DCC: variants seen among roughly 807,000 people sequenced by gnomAD.
The protein encoded by DCC is netrin receptor DCC.
A neutral mutation model predicts 172.5 loss-of-function variants in DCC; 58 were observed. That is an observed-to-expected ratio of 0.34 (90% CI 0.27 to 0.42). The LOEUF (loss-of-function observed/expected upper bound fraction) is 0.42, where lower values mean the gene tolerates loss of function less well. Among genes scored for constraint, DCC ranks in the 10% least tolerant of loss-of-function variants. The pLI is 1.00. For missense variants in DCC, 1,740 were observed against 1,791.0 expected, an observed-to-expected ratio of 0.97 and a Z score of 0.51; for synonymous variants, 709 against 644.5, an observed-to-expected ratio of 1.10 and a Z score of -1.52.
intron 7 of DCC, among the ~76,000 whole-genome samples, chr18:53,103,936 G>C (rs1045127872): frequency 6.6e-6 from 1 of 151,960 alleles, no homozygotes; most frequent in Non-Finnish European, 1.5e-5. Flanking sequence ...GGTGAGTGAG[G>C]CACTTTCTTG....
chr18:53,253,588 C>T (rs2144663207), intron 12 of DCC, among the ~76,000 whole-genome samples: 1 of 152,032 alleles, frequency 6.6e-6, no homozygotes, highest in East Asian at 1.9e-4. Flanking sequence ...TTAATATTGC[C>T]CTTCTCTAAG....
At chr18:52,914,311 C>T (rs1010570626) in intron 3 of DCC, among the ~76,000 whole-genome samples, 2 of 151,938 alleles carry the variant, frequency 1.3e-5, no homozygotes, top group African/African-American at 4.8e-5. Flanking sequence ...AAGCCATACG[C>T]CAGTGATAAG....
At chr18:53,206,123 AT>A (rs200191063) in intron 10 of DCC, among the ~76,000 whole-genome samples, 117 of 1,172 alleles carry the variant, frequency 0.1, 11 homozygotes, top group Admixed American at 0.14. Context: ...ATATATAAGC[AT>A]AATACATATA....
chr18:53,103,150 C>T (rs887051014), intron 7 of DCC, among the ~76,000 whole-genome samples: 11 of 151,986 alleles, frequency 7.2e-5, no homozygotes, highest in South Asian at 4.1e-4. Flanking sequence ...TGCAAAATTC[C>T]GTGGTATACA....
At chr18:53,499,778 A>G (rs990068600) in intron 27 of DCC, among the ~76,000 whole-genome samples, 27 of 152,134 alleles carry the variant, frequency 1.8e-4, no homozygotes, top group Admixed American at 9.2e-4. Context: ...AATATGTGCT[A>G]TAGGTGTGCT....
intron 2 of DCC, among the ~76,000 whole-genome samples, chr18:52,756,266 T>C (rs576722901): frequency 1.3e-5 from 2 of 152,208 alleles, no homozygotes; most frequent in Non-Finnish European, 2.9e-5. Context: ...GCTGAACTTA[T>C]CTATGAAGCT....
chr18:53,026,236 A>C (rs1599041193), intron 5 of DCC, among the ~76,000 whole-genome samples: 1 of 152,114 alleles, frequency 6.6e-6, no homozygotes, highest in Non-Finnish European at 1.5e-5. Flanking sequence ...AAATTGGGTG[A>C]AAAAAGAAAA....
chr18:53,420,421 G>A lies in DCC; in HGVS notation c.3163+4265G>A, dbSNP rs79160960. 1.1e-3 allele frequency among the ~76,000 whole-genome samples: 163 copies of A among 152,230 alleles called. No individual in the cohort carries two copies. The East Asian group carries it at 0.03, about 28-fold the overall frequency. The stretch of plus-strand genomic sequence containing the variant: ...ACACTTCTTTATTTCAGGAAACAGG[G>A]ATGGTGATAATTCACTGTCTAAGCC... On this transcript the variant is annotated intron_variant, in intron 21 of 28. Coordinates refer to ENST00000442544, the MANE Select transcript of DCC (RefSeq NM_005215.4).
intron 1 of DCC, among the ~76,000 whole-genome samples, chr18:52,726,201 G>C (rs1296333417): frequency 6.6e-6 from 1 of 152,142 alleles, no homozygotes; most frequent in Non-Finnish European, 1.5e-5. Flanking sequence ...AGAAGTATAC[G>C]TGGCTTGCTA....
At chr18:53,165,259 C>A (rs1489070728) in intron 8 of DCC, among the ~76,000 whole-genome samples, 1 of 152,276 alleles carries the variant, frequency 6.6e-6, no homozygotes, top group African/African-American at 2.4e-5. Context: ...TTCCAACTTG[C>A]AGCAATATAT....
At position 53,530,591 on chromosome 18, in the gene DCC, C is replaced by T; in HGVS notation, c.4282C>T (p.Gln1428Ter). 9 of 1,596,026 alleles carry T rather than the reference C, an allele frequency of 5.6e-6. No individual in the cohort carries two copies. The highest frequency in any genetic ancestry group is 7.7e-6 in the Non-Finnish European group (9 of 1,163,520). The change falls in exon 29 of 29, where the codon CAA (glutamine) becomes TAA (stop). Residue 1428 changes from glutamine to a stop codon, truncating the protein, a stop_gained. Transcript: ENST00000442544. LOFTEE classifies it high-confidence loss of function. ...NVYEQDDLSE[Q>*]MASLEGLMKQ... Reference sequence around the variant, plus strand: ...GTATGAACAGGATGATCTGAGTGAACAAATGGCAAGTTTGGAAGGACTCAT... The same window carrying T: ...GTATGAACAGGATGATCTGAGTGAATAAATGGCAAGTTTGGAAGGACTCAT...
chr18:52,523,120 G>T (rs1359791832), intron 1 of DCC, among the ~76,000 whole-genome samples: 1 of 152,156 alleles, frequency 6.6e-6, no homozygotes, highest in African/African-American at 2.4e-5. Flanking sequence ...CTTATTCCCA[G>T]ATCTGCCATT....
At chr18:53,127,467 G>C (rs2043580551) in intron 7 of DCC, among the ~76,000 whole-genome samples, 1 of 151,982 alleles carries the variant, frequency 6.6e-6, no homozygotes, top group South Asian at 2.1e-4. Context: ...AGTCTGCAGG[G>C]TCCCTAGAAA....
intron 1 of DCC, among the ~76,000 whole-genome samples, chr18:52,649,023 A>G (rs940845700): frequency 2.6e-5 from 4 of 152,166 alleles, no homozygotes; most frequent in Non-Finnish European, 5.9e-5. Flanking sequence ...ACAAATATCC[A>G]TGTACTTCTA....
At chr18:52,811,931 CTA>C (rs1317564053) in intron 2 of DCC, among the ~76,000 whole-genome samples, 5 of 152,120 alleles carry the variant, frequency 3.3e-5, no homozygotes, top group African/African-American at 1.2e-4. Context: ...GAAATCTCAA[CTA>C]TGTTTTGTAT....
chr18:52,401,019 C>A (rs887432776), intron 1 of DCC, among the ~76,000 whole-genome samples: 1 of 151,964 alleles, frequency 6.6e-6, no homozygotes, highest in Non-Finnish European at 1.5e-5. Context: ...GTGCAACAAA[C>A]CACCATAGCA....
chr18:52,683,339 A>G (rs1030867571), intron 1 of DCC, among the ~76,000 whole-genome samples: 7 of 152,112 alleles, frequency 4.6e-5, no homozygotes, highest in African/African-American at 1.4e-4. Context: ...GGTATTCTAT[A>G]ATAGGTAGGA....
chr18:53,231,253 G>A (rs896672209), intron 12 of DCC, among the ~76,000 whole-genome samples: 6 of 151,948 alleles, frequency 3.9e-5, no homozygotes, highest in South Asian at 4.1e-4. Flanking sequence ...CATCAGATTC[G>A]GTTCAAACTA....
At chr18:52,646,809 A>G (rs2035028000) in intron 1 of DCC, among the ~76,000 whole-genome samples, 1 of 152,200 alleles carries the variant, frequency 6.6e-6, no homozygotes, top group Non-Finnish European at 1.5e-5. Flanking sequence ...AAACCTAGTT[A>G]TTCAAAAGTA....
Sources: allele counts gnomAD v4.1 joint callset (sites outside exome capture counted in the v4.1 genomes callset), GRCh38; gene constraint gnomAD v4.1.1; transcripts MANE v1.5; gene names NCBI Gene and HGNC (gene_info 2026-07-23, HGNC 2026-07-21).